Variants in SHB observed in about 807,000 individuals in gnomAD.
SHB encodes SH2 domain containing adaptor protein B, also known as SH2 domain-containing adapter protein B.
Under a neutral mutation model 52.3 loss-of-function variants are expected in SHB, and 20 were observed. The observed-to-expected ratio is 0.38, with a 90% CI of 0.27 to 0.56. SHB has a LOEUF of 0.56. SHB is among the 20% of genes least tolerant of loss of function. The probability of loss-of-function intolerance (pLI) is 0.71; values close to 1 mark genes in which losing one functional copy is unlikely to be tolerated. For synonymous variants in SHB, 397 were observed against 316.5 expected (o/e 1.25, Z -2.70); for missense variants, 825 against 723.3 (o/e 1.14, Z -1.61).
intron 2 of SHB, among the ~76,000 whole-genome samples, chr9:37,992,818 T>C (rs748344295): frequency 2.0e-5 from 3 of 152,116 alleles, no homozygotes; most frequent in Non-Finnish European, 4.4e-5. Flanking sequence ...ATGCTACAGG[T>C]ATCAGAGATA....
chr9:37,959,746 C>A (rs1832674044), intron 3 of SHB, among the ~76,000 whole-genome samples: 1 of 152,094 alleles, frequency 6.6e-6, no homozygotes, highest in Non-Finnish European at 1.5e-5. Flanking sequence ...CTCACTAATA[C>A]CACTTACCCT....
chr9:38,015,019 T>A (rs985158780), intron 2 of SHB, among the ~76,000 whole-genome samples: 4 of 152,182 alleles, frequency 2.6e-5, no homozygotes, highest in African/African-American at 9.7e-5. Context: ...GAAAGAGGTA[T>A]CTGTATCCCA....
chr9:38,008,101 C>T (rs544100598), intron 2 of SHB, among the ~76,000 whole-genome samples: 1 of 152,350 alleles, frequency 6.6e-6, no homozygotes, highest in South Asian at 2.1e-4. Context: ...GACAGGAGCA[C>T]CTGGAGGGCA....
intron 1 of SHB, among the ~76,000 whole-genome samples, chr9:38,054,424 G>C (rs1046166345): frequency 7.9e-5 from 12 of 152,188 alleles, no homozygotes; most frequent in Non-Finnish European, 1.5e-5. Context: ...ATCTGACCTT[G>C]TTCCCCATCC....
intron 1 of SHB, among the ~76,000 whole-genome samples, chr9:38,019,554 C>T (rs1821257881): frequency 6.6e-6 from 1 of 152,252 alleles, no homozygotes; most frequent in Non-Finnish European, 1.5e-5. Flanking sequence ...CCACACTTCC[C>T]TATGGACTGG....
intron 1 of SHB, among the ~76,000 whole-genome samples, chr9:38,023,893 G>A (rs1165745957): frequency 1.3e-5 from 2 of 152,124 alleles, no homozygotes; most frequent in Admixed American, 1.3e-4. Context: ...CCCCCTACTC[G>A]CCTCTTCCTG....
chr9:38,028,331 C>T (rs553591544), intron 1 of SHB, among the ~76,000 whole-genome samples: 2 of 152,296 alleles, frequency 1.3e-5, no homozygotes, highest in South Asian at 2.1e-4. Flanking sequence ...CCTGTGATAC[C>T]TATGAAGGCC....
chr9:38,027,496 C>A (rs1026561033), intron 1 of SHB, among the ~76,000 whole-genome samples: 1 of 152,050 alleles, frequency 6.6e-6, no homozygotes. Flanking sequence ...AACCCAGACA[C>A]AGACCTTGAA....
At chr9:38,048,381 G>A (rs994857700) in intron 1 of SHB, among the ~76,000 whole-genome samples, 4 of 152,180 alleles carry the variant, frequency 2.6e-5, no homozygotes, top group Admixed American at 2.6e-4. Flanking sequence ...AGCAGCTCAT[G>A]CCAGTAATCC....
chr9:37,983,210 G>A (rs1461263804), intron 2 of SHB, among the ~76,000 whole-genome samples: 1 of 152,198 alleles, frequency 6.6e-6, no homozygotes, highest in Non-Finnish European at 1.5e-5. Context: ...GTTTCCATTG[G>A]GGGAACCTGG....
Position 37,916,997 on chromosome 9 carries a change from A to G in SHB, c.*2824T>C, listed in dbSNP as rs1024433380. On this transcript the variant is annotated 3_prime_UTR_variant, in exon 6 of 6. Coordinates refer to ENST00000377707, the MANE Select transcript of SHB (RefSeq NM_003028.3). ...AGGAGCTTTTCTTTTCTCTCAAAGA[A>G]ATCCAGCTCAATTTTTTCCCCAATT... Among the ~76,000 whole-genome samples, 1 of 152,002 alleles carries G rather than the reference A, an allele frequency of 6.6e-6. No homozygotes were observed. The highest frequency in any genetic ancestry group is 1.5e-5 in the Non-Finnish European group (1 of 67,988).
chr9:37,926,472 CAA>C (rs373518895), intron 5 of SHB, among the ~76,000 whole-genome samples: 74 of 152,304 alleles, frequency 4.9e-4, no homozygotes, highest in African/African-American at 1.7e-3. Flanking sequence ...ACAGCAACAC[CAA>C]GAGATGGGCC....
chr9:37,919,866 A>G lies in SHB; in HGVS notation c.1485T>C (p.Ala495=). Residue 495 remains alanine (A), a synonymous_variant, in exon 6 of 6, where the codon GCT becomes GCC. Coordinates refer to ENST00000377707, the MANE Select transcript of SHB (RefSeq NM_003028.3). ...CGGGATAGAGGAGGGACAAGTGCTC[A>G]GCCCCTTTGATGGGTAGCTTTCTGG... The part of the protein sequence containing the change: ...YTTRKLPIKG[A]EHLSLLYPVA... The G allele has an allele frequency of 6.2e-7, 1 of 1,614,136 alleles. No individual in the cohort carries two copies. Among genetic ancestry groups the G allele is most frequent in the African/African-American group, 1.3e-5 (1 of 75,016 alleles).
Position 37,918,059 on chromosome 9 carries a change from CCAAA to C in SHB, c.*1758_*1761del, listed in dbSNP as rs534634063. On this transcript the variant is annotated 3_prime_UTR_variant, in exon 6 of 6. Coordinates refer to ENST00000377707, the MANE Select transcript of SHB (RefSeq NM_003028.3). ...TGTGAACAGTGAGCTGGAACCACCT[CCAAA>C]CAGTCTCTAAAGACATGAGCAGCGC... Among the ~76,000 whole-genome samples, 779 of 152,370 alleles carry C rather than the reference CCAAA, an allele frequency of 5.1e-3. 8 individuals are homozygous for C. Among genetic ancestry groups the C allele is most frequent in the South Asian group, 0.019 (90 of 4,832 alleles).
At position 38,033,571 on chromosome 9, in the gene SHB, G is replaced by A. The variant is rs116707104; in HGVS notation, c.718-17440C>T. Among the ~76,000 whole-genome samples, 863 of 152,282 alleles carry A rather than the reference G, an allele frequency of 5.7e-3. 8 individuals carry two copies. The highest frequency in any genetic ancestry group is 0.02 in the African/African-American group (834 of 41,552). On this transcript the variant is annotated intron_variant, in intron 1 of 5. Coordinates refer to ENST00000377707, the MANE Select transcript of SHB (RefSeq NM_003028.3). Reference sequence around the variant, plus strand: ...AATGCCCTAGTTGACCAATCATTTCGGAAGGGCTTGGAGAGGGTCCACCTG... The same window carrying A: ...AATGCCCTAGTTGACCAATCATTTCAGAAGGGCTTGGAGAGGGTCCACCTG...
chr9:38,039,045 C>T (rs928293383), intron 1 of SHB, among the ~76,000 whole-genome samples: 2 of 152,188 alleles, frequency 1.3e-5, no homozygotes, highest in Non-Finnish European at 2.9e-5. Flanking sequence ...TCAGGCAGGG[C>T]TGGCGGGCGG....
chr9:38,024,626 G>C (rs1225452170), intron 1 of SHB, among the ~76,000 whole-genome samples: 1 of 152,214 alleles, frequency 6.6e-6, no homozygotes, highest in African/African-American at 2.4e-5. Context: ...GCTGGGAACA[G>C]AGCCTGGCTC....
At chr9:37,964,767 T>C (rs1832730459) in intron 3 of SHB, among the ~76,000 whole-genome samples, 1 of 152,138 alleles carries the variant, frequency 6.6e-6, no homozygotes, top group African/African-American at 2.4e-5. Context: ...GAGCACTCAC[T>C]GTGCCCCCAA....
At chr9:37,986,366 C>T (rs1197113185) in intron 2 of SHB, among the ~76,000 whole-genome samples, 1 of 151,468 alleles carries the variant, frequency 6.6e-6, no homozygotes, top group African/African-American at 2.4e-5. Context: ...GCCTAATGCT[C>T]ATGAGGTAGA....
Sources: gnomAD v4.1 joint callset for allele counts (sites outside exome capture counted in the v4.1 genomes callset) on GRCh38, gnomAD v4.1.1 for gene constraint, MANE v1.5 for transcripts, NCBI Gene and HGNC (gene_info 2026-07-23, HGNC 2026-07-21) for gene names.